CSRNP3: variants seen among roughly 807,000 people sequenced by gnomAD.
CSRNP3 encodes cysteine and serine rich nuclear protein 3.
Under a neutral mutation model 48.0 loss-of-function variants are expected in CSRNP3, and 12 were observed. The ratio of observed to expected loss-of-function variants is 0.25; its 90% CI spans 0.16 to 0.41. The LOEUF (loss-of-function observed/expected upper bound fraction) is 0.41, where lower values mean the gene tolerates loss of function less well. CSRNP3 is among the 10% of genes least tolerant of loss of function. CSRNP3 has a pLI of 1.00. For missense variants in CSRNP3, 580 were observed against 724.4 expected (o/e 0.80, Z 2.29); for synonymous variants, 263 against 269.7 (o/e 0.98, Z 0.24).
At position 165,680,491 on chromosome 2, in the gene CSRNP3, G is replaced by A; in HGVS notation, c.*738G>A. 6.5e-6 allele frequency: 1 copy of A among 152,780 alleles called. No individual in the cohort carries two copies. Among genetic ancestry groups the A allele is most frequent in the African/African-American group, 2.4e-5 (1 of 41,552 alleles). The allele number at this position is 152,780 out of a possible 1,614,324, so 9.5% of individuals were successfully genotyped here. On this transcript the variant is annotated 3_prime_UTR_variant, in exon 7 of 7. Transcript: ENST00000651982. Reference sequence around the variant, plus strand: ...AAGAGTTAGGACAATCCTCTGGGGAGAGTCTAGTTCACTGCCCTCCCTCAG... The same window carrying A: ...AAGAGTTAGGACAATCCTCTGGGGAAAGTCTAGTTCACTGCCCTCCCTCAG...
chr2:165,492,835 TG>T (rs1684235914), intron 1 of CSRNP3, among the ~76,000 whole-genome samples: 1 of 149,982 alleles, frequency 6.7e-6, no homozygotes, highest in Admixed American at 6.7e-5. Flanking sequence ...GCTCAGTAGA[TG>T]TTTACTGAAT....
intron 3 of CSRNP3, among the ~76,000 whole-genome samples, chr2:165,541,088 T>C (rs545682326): frequency 1.3e-4 from 19 of 151,928 alleles, no homozygotes; most frequent in Non-Finnish European, 2.6e-4. Context: ...ATCAACCTAT[T>C]TTATTTGAGT....
intron 3 of CSRNP3, among the ~76,000 whole-genome samples, chr2:165,548,091 T>C (rs916968426): frequency 6.6e-6 from 1 of 152,088 alleles, no homozygotes; most frequent in Non-Finnish European, 1.5e-5. Flanking sequence ...ACCCTTCCAC[T>C]GTGAAAACTA....
In CSRNP3 at chr2:165,683,453, A is replaced by C. The variant is rs1381549470; in HGVS notation, c.*3700A>C. On this transcript the variant is annotated 3_prime_UTR_variant, in exon 7 of 7. Transcript: ENST00000651982. ...TATGTTAAGTGGCTATGTTCTTTAAAATTTTACATTCTAATAGATGACTTC... is the reference window on the plus strand; with the variant it reads ...TATGTTAAGTGGCTATGTTCTTTAACATTTTACATTCTAATAGATGACTTC... 1 of 152,096 alleles carries C rather than the reference A, an allele frequency of 6.6e-6. No individual in the cohort carries two copies. The highest frequency in any genetic ancestry group is 1.5e-5 in the Non-Finnish European group (1 of 67,982). 9.4% of individuals were successfully genotyped at this position (152,096 alleles called of 1,614,324 possible).
intron 1 of CSRNP3, among the ~76,000 whole-genome samples, chr2:165,480,792 A>T (rs1225401708): frequency 8.1e-6 from 1 of 123,862 alleles, no homozygotes; most frequent in Non-Finnish European, 1.8e-5. Flanking sequence ...TATATATATA[A>T]TATATATAAT....
intron 4 of CSRNP3, among the ~76,000 whole-genome samples, chr2:165,629,813 T>C (rs1194747316): frequency 6.6e-6 from 1 of 152,194 alleles, no homozygotes; most frequent in East Asian, 1.9e-4. Context: ...TCCCTGCTTT[T>C]TTTCCCCTTT....
chr2:165,645,586 G>C (rs1243280801), intron 4 of CSRNP3, among the ~76,000 whole-genome samples: 3 of 152,104 alleles, frequency 2.0e-5, no homozygotes, highest in Non-Finnish European at 4.4e-5. Flanking sequence ...CACAGTTATA[G>C]TAAAATTTTC....
At chr2:165,535,309 G>GCTTGTT (rs751960453) in intron 3 of CSRNP3, among the ~76,000 whole-genome samples, 128 of 150,776 alleles carry the variant, frequency 8.5e-4, no homozygotes, top group Non-Finnish European at 1.6e-3. Context: ...AAATACTTTA[G>GCTTGTT]CTTGTTCTTT....
At chr2:165,603,896 G>C (rs867701489) in intron 4 of CSRNP3, among the ~76,000 whole-genome samples, 21 of 152,282 alleles carry the variant, frequency 1.4e-4, no homozygotes, top group African/African-American at 4.6e-4. Context: ...AGCAGAGCTT[G>C]CTTTCTCATC....
At chr2:165,632,824 T>C (rs968419010) in intron 4 of CSRNP3, among the ~76,000 whole-genome samples, 6 of 152,210 alleles carry the variant, frequency 3.9e-5, no homozygotes, top group African/African-American at 1.4e-4. Flanking sequence ...CAACATGGGC[T>C]ACATGACTTA....
intron 3 of CSRNP3, among the ~76,000 whole-genome samples, chr2:165,523,997 A>G (rs1684697854): frequency 6.6e-6 from 1 of 152,216 alleles, no homozygotes; most frequent in South Asian, 2.1e-4. Context: ...ACAGAATTAC[A>G]AGTTATGCGA....
Position 165,676,527 on chromosome 2 carries a change from A to G in CSRNP3, c.624A>G (p.Ser208=), listed in dbSNP as rs3731763. The part of the protein sequence containing the change: ...EKHELRAIRL[S]REDCGCDCRV... ...ACGAACTCCGAGCCATCCGCCTCTC[A>G]CGAGAGGACTGTGGCTGTGACTGCC... Residue 208 remains serine, a synonymous_variant, in exon 6 of 7, where the codon TCA becomes TCG. Coordinates refer to ENST00000651982, the MANE Select transcript of CSRNP3 (RefSeq NM_001172173.2). The G allele has an allele frequency of 9.7e-5, 157 of 1,611,734 alleles. No individual in the cohort carries two copies. In the East Asian group the frequency reaches 3.1e-3, roughly 32 times the overall value.
At chr2:165,528,324 A>G (rs1684767201) in intron 3 of CSRNP3, among the ~76,000 whole-genome samples, 1 of 152,170 alleles carries the variant, frequency 6.6e-6, no homozygotes, top group African/African-American at 2.4e-5. Context: ...TGTAAGTTTG[A>G]TATAATTCCC....
At chr2:165,609,109 GA>G (rs1045535184) in intron 4 of CSRNP3, among the ~76,000 whole-genome samples, 72 of 108,904 alleles carry the variant, frequency 6.6e-4, no homozygotes, top group African/African-American at 8.9e-4. Context: ...TCCGTCTCAA[GA>G]AAAAAAAAAA....
In CSRNP3 at chr2:165,687,753, G is replaced by A. The variant is rs1687654084; in HGVS notation, c.*8000G>A. ...TCTTGACAAGGCCTGAAAACGAAGGGAGGTGTCGTGGAGAAATGGTGATTT... is the reference window on the plus strand; with the variant it reads ...TCTTGACAAGGCCTGAAAACGAAGGAAGGTGTCGTGGAGAAATGGTGATTT... On this transcript the variant is annotated 3_prime_UTR_variant, in exon 7 of 7. Coordinates refer to ENST00000651982, the MANE Select transcript of CSRNP3 (RefSeq NM_001172173.2). 1 of 152,054 alleles carries A rather than the reference G, an allele frequency of 6.6e-6. No individual in the cohort carries two copies. The highest frequency in any genetic ancestry group is 6.6e-5 in the Admixed American group (1 of 15,242). 9.4% of individuals were successfully genotyped at this position (152,054 alleles called of 1,614,324 possible).
At chr2:165,611,379 G>GTGTGTGTGTGTGTGTGTA (rs56146559) in intron 4 of CSRNP3, among the ~76,000 whole-genome samples, 45 of 151,062 alleles carry the variant, frequency 3.0e-4, no homozygotes, top group African/African-American at 7.1e-4. Flanking sequence ...GTGTGTGTGT[G>GTGTGTGTGTGTGTGTGTA]TATATACATA....
chr2:165,483,730 C>T (rs926217830), intron 1 of CSRNP3, among the ~76,000 whole-genome samples: 13 of 152,128 alleles, frequency 8.5e-5, no homozygotes, highest in African/African-American at 2.2e-4. Context: ...GTTTTCTAGA[C>T]AGCCATGTTT....
In CSRNP3 at chr2:165,684,701, A is replaced by G. The variant is rs75211018; in HGVS notation, c.*4948A>G. The G allele has an allele frequency of 2.0e-3, 301 of 152,216 alleles. 1 individual carries two copies. Among genetic ancestry groups the G allele is most frequent in the African/African-American group, 7.0e-3 (291 of 41,558 alleles). The allele number at this position is 152,216 out of a possible 1,614,324, so 9.4% of individuals were successfully genotyped here. On this transcript the variant is annotated 3_prime_UTR_variant, in exon 7 of 7. Transcript: ENST00000651982. ...CTGCACCAACAGCACAGCTCATCAG[A>G]TGTTTTCTATAGTAGTAAAGAATTT...
chr2:165,645,047 A>T (rs1331251532), intron 4 of CSRNP3, among the ~76,000 whole-genome samples: 1 of 152,100 alleles, frequency 6.6e-6, no homozygotes, highest in Non-Finnish European at 1.5e-5. Flanking sequence ...TAAAAAGGGC[A>T]CTAAGGCCAG....
Sources: allele counts gnomAD v4.1 joint callset (sites outside exome capture counted in the v4.1 genomes callset), GRCh38; gene constraint gnomAD v4.1.1; transcripts MANE v1.5; gene names NCBI Gene and HGNC (gene_info 2026-07-23, HGNC 2026-07-21).